BCAR3: variants seen among roughly 807,000 people sequenced by gnomAD.
BCAR3 encodes BCAR3 adaptor protein, NSP family member.
In BCAR3, 37 loss-of-function variants were observed where a neutral mutation model predicts 80.1. The observed-to-expected ratio is 0.46, with a 90% confidence interval of 0.36 to 0.61. The LOEUF (loss-of-function observed/expected upper bound fraction) is 0.61, where lower values mean the gene tolerates loss of function less well. Among genes scored for constraint, BCAR3 ranks in the 20% least tolerant of loss-of-function variants. The pLI is 0.00. For missense variants in BCAR3, 978 were observed against 1,068.2 expected (o/e 0.92, Z 1.18); for synonymous variants, 389 against 418.9 (o/e 0.93, Z 0.87).
intron 2 of BCAR3, among the ~76,000 whole-genome samples, chr1:93,757,996 C>T (rs1422185059): frequency 6.6e-6 from 1 of 152,120 alleles, no homozygotes; most frequent in Admixed American, 6.5e-5. Flanking sequence ...CCAAGTTGGC[C>T]CTTCAGAGAT....
chr1:93,826,152 G>A (rs1372784545), intron 2 of BCAR3, among the ~76,000 whole-genome samples: 1 of 152,150 alleles, frequency 6.6e-6, no homozygotes, highest in Non-Finnish European at 1.5e-5. Flanking sequence ...CGGGGATTCT[G>A]CAAGTTCTTA....
chr1:93,614,358 T>C (rs1675040671), intron 3 of BCAR3, among the ~76,000 whole-genome samples: 1 of 152,162 alleles, frequency 6.6e-6, no homozygotes, highest in Non-Finnish European at 1.5e-5. Context: ...GACCTGCTCC[T>C]AGTGGTTCTG....
At chr1:93,811,078 A>C (rs1653825477) in intron 2 of BCAR3, among the ~76,000 whole-genome samples, 1 of 152,230 alleles carries the variant, frequency 6.6e-6, no homozygotes, top group South Asian at 2.1e-4. Context: ...GAAAAAAAGA[A>C]AGACTAGAAT....
chr1:93,571,419 G>A (rs1334136912), intron 9 of BCAR3: 5 of 433,666 alleles, frequency 1.2e-5, no homozygotes, highest in Non-Finnish European at 2.1e-5. Context: ...AATCACTTAA[G>A]CCTGGGAGGT....
At chr1:93,778,807 G>A (rs1393030522) in intron 2 of BCAR3, among the ~76,000 whole-genome samples, 3 of 152,092 alleles carry the variant, frequency 2.0e-5, no homozygotes, top group Non-Finnish European at 4.4e-5. Flanking sequence ...CTCGAGGGAA[G>A]CCTTTCTGAA....
chr1:93,646,960 C>G (rs978426920), intron 2 of BCAR3, among the ~76,000 whole-genome samples: 2 of 152,238 alleles, frequency 1.3e-5, no homozygotes, highest in African/African-American at 4.8e-5. Context: ...TAAATGCTTA[C>G]AAACAAACTT....
At position 93,592,573 on chromosome 1, in the gene BCAR3, T is replaced by C; in HGVS notation, c.358-180A>G. On this transcript the variant is annotated intron_variant, in intron 3 of 11. Transcript: ENST00000260502. The surrounding 1 kb of genome is among the most constrained non-coding windows in gnomAD (Gnocchi z 4.8). The stretch of plus-strand genomic sequence containing the variant: ...TTTCGTTTCTCCGGCCGCAACCATG[T>C]AATAAAATTTTCACCTGCACATGGG... The C allele has an allele frequency of 3.8e-6, 3 of 792,952 alleles. No homozygotes were observed. The highest frequency in any genetic ancestry group is 3.8e-6 in the Non-Finnish European group (2 of 532,150). The allele number at this position is 792,952 out of a possible 1,614,324, so 49.1% of individuals were successfully genotyped here.
chr1:93,730,364 A>C (rs1198156894), intron 2 of BCAR3, among the ~76,000 whole-genome samples: 1 of 152,078 alleles, frequency 6.6e-6, no homozygotes, highest in Non-Finnish European at 1.5e-5. Flanking sequence ...CTGGGCTGAC[A>C]GTGGGTGTGC....
chr1:93,736,940 A>G (rs939299709), intron 2 of BCAR3, among the ~76,000 whole-genome samples: 3 of 152,202 alleles, frequency 2.0e-5, no homozygotes, highest in Non-Finnish European at 4.4e-5. Context: ...GAATCATCTT[A>G]CGCATGTTGA....
intron 2 of BCAR3, among the ~76,000 whole-genome samples, chr1:93,650,890 G>A (rs1676301379): frequency 6.6e-6 from 1 of 152,168 alleles, no homozygotes; most frequent in Non-Finnish European, 1.5e-5. Flanking sequence ...GAAATAGCAG[G>A]ATACAGTTAT....
chr1:93,648,859 C>T (rs1474520325), intron 2 of BCAR3: 1 of 152,612 alleles, frequency 6.6e-6, no homozygotes, highest in African/African-American at 2.4e-5. Flanking sequence ...CTCAGCCTGG[C>T]TCCTGGCTGC....
At chr1:93,657,346 A>C (rs1304154271) in intron 2 of BCAR3, among the ~76,000 whole-genome samples, 1 of 152,190 alleles carries the variant, frequency 6.6e-6, no homozygotes, top group Non-Finnish European at 1.5e-5. Flanking sequence ...TCAGGCCTAT[A>C]TAGTTTTACT....
chr1:93,612,885 T>C (rs1175142573), intron 3 of BCAR3, among the ~76,000 whole-genome samples: 1 of 152,176 alleles, frequency 6.6e-6, no homozygotes, highest in African/African-American at 2.4e-5. Flanking sequence ...CAATGGAAAC[T>C]CACCCTTTTC....
intron 2 of BCAR3, among the ~76,000 whole-genome samples, chr1:93,666,825 G>C (rs949069365): frequency 6.6e-6 from 1 of 152,170 alleles, no homozygotes; most frequent in Non-Finnish European, 1.5e-5. Context: ...CTGTAGGGCA[G>C]GCTCAGATAG....
intron 2 of BCAR3, among the ~76,000 whole-genome samples, chr1:93,766,623 A>G (rs552792069): frequency 5.3e-5 from 8 of 152,380 alleles, no homozygotes; most frequent in Admixed American, 5.2e-4. Flanking sequence ...CTGCCCGTCC[A>G]CATTCCTGAT....
intron 3 of BCAR3, among the ~76,000 whole-genome samples, chr1:93,638,422 T>C (rs1675866573): frequency 6.6e-6 from 1 of 152,180 alleles, no homozygotes; most frequent in Non-Finnish European, 1.5e-5. Flanking sequence ...TACTTGATAG[T>C]GATCTAAGAA....
chr1:93,706,048 C>G (rs1176782444), intron 3 of BCAR3: 1 of 152,330 alleles, frequency 6.6e-6, no homozygotes, highest in Non-Finnish European at 1.5e-5. Context: ...AGTTTCTGCC[C>G]TGCACTCTGG....
chr1:93,749,886 C>CTTTTTTTTT (rs754541949), intron 2 of BCAR3, among the ~76,000 whole-genome samples: 3 of 140,402 alleles, frequency 2.1e-5, no homozygotes, highest in South Asian at 2.2e-4. Context: ...ATGATCTTGA[C>CTTTTTTTTT]TTATTTTTTT....
intron 2 of BCAR3, among the ~76,000 whole-genome samples, chr1:93,807,313 T>C (rs1189472376): frequency 6.6e-6 from 1 of 152,138 alleles, no homozygotes; most frequent in Non-Finnish European, 1.5e-5. Context: ...GAAAAAATTA[T>C]TTAACATGCC....
Sources: gnomAD v4.1 joint callset for allele counts (sites outside exome capture counted in the v4.1 genomes callset) on GRCh38, gnomAD v4.1.1 for gene constraint, Gnocchi (gnomAD v3.1) non-coding constraint, MANE v1.5 for transcripts, NCBI Gene and HGNC (gene_info 2026-07-23, HGNC 2026-07-21) for gene names.